Variants in PDE1A observed in about 807,000 individuals in gnomAD.
The protein encoded by PDE1A is dual specificity calcium/calmodulin-dependent 3',5'-cyclic nucleotide phosphodiesterase 1A.
Under a neutral mutation model 61.7 loss-of-function variants are expected in PDE1A, and 35 were observed. The ratio of observed to expected loss-of-function variants is 0.57; its 90% CI spans 0.43 to 0.75. The LOEUF is 0.75. Among genes scored for constraint, PDE1A ranks in the 30% least tolerant of loss-of-function variants. PDE1A has a pLI of 0.00. For missense variants in PDE1A, 597 were observed against 630.6 expected (o/e 0.95, Z 0.57); for synonymous variants, 232 against 213.2 (o/e 1.09, Z -0.77).
chr2:182,598,502 GC>G, the PDE1A span, among the ~76,000 whole-genome samples: 1 of 151,846 alleles, frequency 6.6e-6, no homozygotes, highest in Non-Finnish European at 1.5e-5. Context: ...AATCTGGGAG[GC>G]GGAGGTTGCA....
chr2:182,437,591 G>C (rs1250647761), intron 2 of PDE1A, among the ~76,000 whole-genome samples: 1 of 151,902 alleles, frequency 6.6e-6, no homozygotes, highest in African/African-American at 2.4e-5. Context: ...TTCCCCAGAT[G>C]ACAATATGGG....
intron 1 of PDE1A, among the ~76,000 whole-genome samples, chr2:182,377,960 C>T (rs1353850388): frequency 6.6e-6 from 1 of 151,994 alleles, no homozygotes; most frequent in Non-Finnish European, 1.5e-5. Context: ...CATTCTCCTA[C>T]CTCAGCCTCC....
intron 10 of PDE1A, among the ~76,000 whole-genome samples, chr2:182,200,761 A>T (rs556378902): frequency 6.6e-6 from 1 of 152,216 alleles, no homozygotes; most frequent in Non-Finnish European, 1.5e-5. Context: ...CCCCATTTGC[A>T]GCTGGCATCT....
At chr2:182,307,352 C>T (rs1695654733) in intron 1 of PDE1A, among the ~76,000 whole-genome samples, 2 of 152,104 alleles carry the variant, frequency 1.3e-5, no homozygotes, top group Admixed American at 6.5e-5. Context: ...GCTGTTCTCA[C>T]AGGACTGTGT....
intron 2 of PDE1A, among the ~76,000 whole-genome samples, chr2:182,261,491 A>C (rs1052151966): frequency 2.6e-4 from 39 of 152,186 alleles, no homozygotes; most frequent in African/African-American, 9.4e-4. Flanking sequence ...GCATTATAAT[A>C]AAATAATAAA....
chr2:182,604,279 ATTAT>A, the PDE1A span, among the ~76,000 whole-genome samples: 2 of 152,178 alleles, frequency 1.3e-5, no homozygotes, highest in Admixed American at 6.5e-5. Flanking sequence ...AACCTGTCTA[ATTAT>A]TTGAGAGTTA....
chr2:182,426,522 G>A, intron 1 of PDE1A, 56 bp downstream of exon 1: 1 of 1,195,738 alleles, frequency 8.4e-7, no homozygotes, highest in Non-Finnish European at 1.2e-6. Context: ...AAGGATGAAG[G>A]GAGAAACTAT....
downstream of PDE1A, among the ~76,000 whole-genome samples, chr2:182,165,973 T>C (rs1259177414): frequency 6.6e-6 from 1 of 152,170 alleles, no homozygotes; most frequent in Admixed American, 6.5e-5. Context: ...TCATGAACTT[T>C]ATCCTTTCTT....
intron 1 of PDE1A, among the ~76,000 whole-genome samples, chr2:182,335,513 G>C (rs1697740224): frequency 6.6e-6 from 1 of 152,186 alleles, no homozygotes; most frequent in Non-Finnish European, 1.5e-5. Flanking sequence ...AACAAGCAAT[G>C]GGGAAAGGAT....
At position 182,516,893 on chromosome 2, in the gene PDE1A, G is replaced by A. The variant is rs1018780262; in HGVS notation, c.101+5383C>T. 1.3e-3 allele frequency among the ~76,000 whole-genome samples: 189 copies of A among 149,404 alleles called. 1 individual carries two copies. The highest frequency in any genetic ancestry group is 4.6e-3 in the African/African-American group (181 of 39,388). On this transcript the variant is annotated intron_variant, in intron 2 of 14. Coordinates refer to the PDE1A transcript ENST00000410103. ...AGATGAATCTTTGTGATTACATTAGGCTCACCTGGGTAATACAGGATACGC... is the reference window on the plus strand; with the variant it reads ...AGATGAATCTTTGTGATTACATTAGACTCACCTGGGTAATACAGGATACGC...
rs74610293 is a variant in PDE1A, at chr2:182,243,863, T to C, written c.168-3571A>G. 6.0e-3 allele frequency among the ~76,000 whole-genome samples: 919 copies of C among 152,274 alleles called. 29 individuals are homozygous for C. In the East Asian group the frequency reaches 0.067, roughly 11 times the overall value. ...AAAGTCTTAATGGTATATTATTTTA[T>C]TGACTTATTATTATTATTTTTGAGA... On this transcript the variant is annotated intron_variant, in intron 2 of 13. Coordinates refer to ENST00000351439, the Ensembl canonical transcript of PDE1A.
At chr2:182,527,355 TATATATATATATATATATAC>T (rs1690794823), upstream of PDE1A, among the ~76,000 whole-genome samples, 2 of 60,832 alleles carry the variant, frequency 3.3e-5, no homozygotes, top group African/African-American at 9.5e-5. Context: ...TATATATATA[TATATATATATATATATATAC>T]ACATATATAT....
At chr2:182,422,066 A>G (rs1023796156) in intron 1 of PDE1A, among the ~76,000 whole-genome samples, 2 of 152,212 alleles carry the variant, frequency 1.3e-5, no homozygotes, top group Non-Finnish European at 1.5e-5. Flanking sequence ...TGCTGTGAAG[A>G]TCCCAATATG....
rs192538818 is a variant in PDE1A at position 182,424,818 on chromosome 2, C to G, written c.53+1760G>C. Among the ~76,000 whole-genome samples, 523 of 152,262 alleles carry G rather than the reference C, an allele frequency of 3.4e-3. 2 individuals carry two copies. The highest frequency in any genetic ancestry group is 0.031 in the Middle Eastern group (9 of 294). ...CAATGTGCCAGATGACCAATAAATC[C>G]TGCTCTCACATACAGCTTTAATCTG... is the stretch of plus-strand genomic sequence containing the variant. On this transcript the variant is annotated intron_variant, in intron 1 of 13. Coordinates refer to ENST00000351439, the Ensembl canonical transcript of PDE1A.
downstream of PDE1A, chr2:182,147,022 TA>T: frequency 1.8e-6 from 2 of 1,129,300 alleles, no homozygotes; most frequent in Non-Finnish European, 2.6e-6. Context: ...TTCTGGTCTA[TA>T]AAATAAAATT....
intron 1 of PDE1A, among the ~76,000 whole-genome samples, chr2:182,390,065 G>A (rs190563576): frequency 1.3e-5 from 2 of 152,196 alleles, no homozygotes; most frequent in African/African-American, 4.8e-5. Context: ...AGCTTGCAGA[G>A]GGCCTATTGT....
At chr2:182,580,013 T>C in the PDE1A span, among the ~76,000 whole-genome samples, 1 of 152,228 alleles carries the variant, frequency 6.6e-6, no homozygotes, top group Non-Finnish European at 1.5e-5. Context: ...TTCCATTTCA[T>C]TCAGGCTAAC....
At chr2:182,551,213 AG>A in the PDE1A span, among the ~76,000 whole-genome samples, 12 of 152,272 alleles carry the variant, frequency 7.9e-5, no homozygotes, top group African/African-American at 2.9e-4. Flanking sequence ...TAAAAGGGAG[AG>A]GTATCTTTTG....
At chr2:182,664,179 CAGTGTAT>C in the PDE1A span, among the ~76,000 whole-genome samples, 1 of 152,086 alleles carries the variant, frequency 6.6e-6, no homozygotes, top group East Asian at 1.9e-4. Flanking sequence ...AATAGTAAAC[CAGTGTAT>C]AGTTTGGTGC....
Sources: allele counts gnomAD v4.1 joint callset (sites outside exome capture counted in the v4.1 genomes callset), GRCh38; gene constraint gnomAD v4.1.1; transcripts MANE v1.5; gene names NCBI Gene and HGNC (gene_info 2026-07-23, HGNC 2026-07-21).